Variants in ATPAF1 observed in about 807,000 individuals in gnomAD.
The protein encoded by ATPAF1 is homolog of yeast ATP11.
Under a neutral mutation model 43.9 loss-of-function variants are expected in ATPAF1, and 26 were observed. That is an observed-to-expected ratio of 0.59 (90% CI 0.43 to 0.82). The LOEUF (loss-of-function observed/expected upper bound fraction) is 0.82, where lower values mean the gene tolerates loss of function less well. Among genes scored for constraint, ATPAF1 ranks in the 40% least tolerant of loss-of-function variants. The probability of loss-of-function intolerance (pLI) is 0.00; values close to 1 mark genes in which losing one functional copy is unlikely to be tolerated. For synonymous variants in ATPAF1, 157 were observed against 168.0 expected (o/e 0.93, Z 0.50); for missense variants, 366 against 435.0 (o/e 0.84, Z 1.41).
At chr1:46,635,661 C>A in exon 9 of ATPAF1, 1 of 1,009,698 alleles carries the variant, frequency 9.9e-7, no homozygotes, top group Non-Finnish European at 1.5e-6. Context: ...GCACATAGGG[C>A]AACTCATTAC....
At chr1:46,665,177 A>G in intron 2 of ATPAF1, 79 bp downstream of exon 2, 1 of 1,428,412 alleles carries the variant, frequency 7.0e-7, no homozygotes, top group Non-Finnish European at 9.8e-7. Flanking sequence ...TCAATAAACC[A>G]ACTTTAAGGA....
At chr1:46,665,765 T>C in intron 1 of ATPAF1, 1 of 1,510,872 alleles carries the variant, frequency 6.6e-7, no homozygotes, top group Non-Finnish European at 8.8e-7. Context: ...CTTGAAAATA[T>C]GTCCCCCCAA....
intron 4 of ATPAF1, among the ~76,000 whole-genome samples, 173 bp from the exon 5 acceptor site, chr1:46,654,040 C>T (rs930139531): frequency 6.6e-6 from 1 of 152,186 alleles, no homozygotes; most frequent in South Asian, 2.1e-4. Flanking sequence ...TAATACAATC[C>T]ACTCTTCTAG....
At chr1:46,668,462 T>G (rs1031504750), upstream of ATPAF1, 1 of 1,060,302 alleles carries the variant, frequency 9.4e-7, no homozygotes, top group Middle Eastern at 4.0e-4. This position sits in a 1 kb window ranked among gnomAD's most constrained non-coding sequence, Gnocchi z 4.4. Flanking sequence ...GGGCGCGGGA[T>G]AGCGGCGAGG....
chr1:46,659,578 GCCA>G (rs1676345698), intron 2 of ATPAF1, among the ~76,000 whole-genome samples: 3 of 151,952 alleles, frequency 2.0e-5, no homozygotes, highest in African/African-American at 2.4e-5. Context: ...TTAAAAAAAG[GCCA>G]CCAACAACTG....
intron 4 of ATPAF1, among the ~76,000 whole-genome samples, chr1:46,657,410 C>T (rs79637173): frequency 0.013 from 1,908 of 152,152 alleles, 44 homozygotes; most frequent in African/African-American, 0.044. Flanking sequence ...GAAGAAGGTC[C>T]TGTGATAATG....
intron 8 of ATPAF1, among the ~76,000 whole-genome samples, chr1:46,640,771 C>A (rs1477371718): frequency 6.6e-6 from 1 of 152,212 alleles, no homozygotes; most frequent in South Asian, 2.1e-4. Flanking sequence ...AGTTTGCTGA[C>A]GCTTGTCCTA....
intron 1 of ATPAF1, chr1:46,665,875 C>T: frequency 7.1e-7 from 1 of 1,402,320 alleles, no homozygotes; most frequent in South Asian, 1.6e-5. Flanking sequence ...CCTAACCTAC[C>T]CTCCAAAGAA....
At chr1:46,650,575 T>C (rs905714384) in intron 6 of ATPAF1, among the ~76,000 whole-genome samples, 2 of 152,032 alleles carry the variant, frequency 1.3e-5, no homozygotes, top group Non-Finnish European at 2.9e-5. Flanking sequence ...TGCACTCCCA[T>C]GTTTGCTACA....
chr1:46,654,807 T>C (rs914906938), intron 4 of ATPAF1, among the ~76,000 whole-genome samples: 2 of 152,060 alleles, frequency 1.3e-5, no homozygotes, highest in Admixed American at 6.6e-5. Context: ...TTTCTGTCCT[T>C]GTGATAGTTT....
intron 8 of ATPAF1, among the ~76,000 whole-genome samples, chr1:46,640,448 A>G (rs1675928975): frequency 6.6e-6 from 1 of 152,060 alleles, no homozygotes; most frequent in African/African-American, 2.4e-5. Flanking sequence ...CGTCTCTACT[A>G]AAAATACAAA....
At position 46,658,119 on chromosome 1, in the gene ATPAF1, T is replaced by C. The variant is rs1227777020; in HGVS notation, c.489+8A>G. ...CATAGAGTAGGCCAGCCCATTTCCA[T>C]TCATTACCTGTTTTATTTCTTCTGC... is the stretch of plus-strand genomic sequence containing the variant. On this transcript the variant is annotated splice_region_variant and intron_variant, in intron 4 of 8. Coordinates refer to ENST00000574428, the Ensembl canonical transcript of ATPAF1. The C allele has an allele frequency of 6.2e-7, 1 of 1,609,168 alleles. No individual in the cohort carries two copies. The highest frequency in any genetic ancestry group is 1.7e-5 in the Admixed American group (1 of 59,068).
chr1:46,644,007 A>G (rs1675993770), intron 7 of ATPAF1, among the ~76,000 whole-genome samples: 1 of 152,194 alleles, frequency 6.6e-6, no homozygotes, highest in East Asian at 1.9e-4. Context: ...TTTAATTATA[A>G]ATATCCAACT....
Position 46,665,374 on chromosome 1 carries a change from G to C in ATPAF1, c.267-10C>G. 1 of 1,613,684 alleles carries C rather than the reference G, an allele frequency of 6.2e-7. No homozygotes were observed. The highest frequency in any genetic ancestry group is 1.1e-5 in the South Asian group (1 of 91,026). Reference sequence around the variant, plus strand: ...AGCAGCTGGGTCTGACCTGATCAGAGGTAAACCAAAGGGTAAACCAACTGG... The same window carrying C: ...AGCAGCTGGGTCTGACCTGATCAGACGTAAACCAAAGGGTAAACCAACTGG... On this transcript the variant is annotated splice_polypyrimidine_tract_variant and intron_variant, in intron 1 of 8. Coordinates refer to ENST00000574428, the Ensembl canonical transcript of ATPAF1.
chr1:46,651,179 GT>G (rs1332572156), intron 6 of ATPAF1, among the ~76,000 whole-genome samples: 1 of 151,476 alleles, frequency 6.6e-6, no homozygotes, highest in East Asian at 1.9e-4. Context: ...TCCCCAGAGT[GT>G]GATGTTCTCC....
intron 7 of ATPAF1, 49 bp downstream of exon 7, chr1:46,645,108 TCCTA>T (rs1464113434): frequency 3.0e-5 from 44 of 1,449,276 alleles, no homozygotes; most frequent in Non-Finnish European, 4.2e-5. Context: ...GGGTTTCTAG[TCCTA>T]CCAAGGGGTA....
chr1:46,640,384 T>G (rs1378667095), intron 8 of ATPAF1, among the ~76,000 whole-genome samples: 3 of 152,060 alleles, frequency 2.0e-5, no homozygotes, highest in Admixed American at 2.0e-4. Flanking sequence ...CCGAGGTGGG[T>G]CGATTACCTG....
chr1:46,633,730 T>C (rs1675790245), downstream of ATPAF1: 2 of 456,256 alleles, frequency 4.4e-6, no homozygotes, highest in Non-Finnish European at 4.4e-6. Context: ...GGAGGAATGA[T>C]TAAAACGAAT....
intron 6 of ATPAF1, among the ~76,000 whole-genome samples, chr1:46,650,543 A>G (rs1351572995): frequency 6.6e-6 from 1 of 152,120 alleles, no homozygotes; most frequent in East Asian, 1.9e-4. Context: ...AGGAAAGGAA[A>G]TTAGTATGTT....
Sources: gnomAD v4.1 joint callset for allele counts (sites outside exome capture counted in the v4.1 genomes callset) on GRCh38, gnomAD v4.1.1 for gene constraint, Gnocchi (gnomAD v3.1) non-coding constraint, MANE v1.5 for transcripts, NCBI Gene and HGNC (gene_info 2026-07-23, HGNC 2026-07-21) for gene names.